PIK3C2B: variants seen among roughly 807,000 people sequenced by gnomAD.
The protein encoded by PIK3C2B is phosphatidylinositol 4-phosphate 3-kinase C2 domain-containing subunit beta.
A neutral mutation model predicts 184.3 loss-of-function variants in PIK3C2B; 83 were observed. That is an observed-to-expected ratio of 0.45 (90% confidence interval 0.38 to 0.54). The LOEUF (loss-of-function observed/expected upper bound fraction) is 0.54. Among genes scored for constraint, PIK3C2B ranks in the 20% least tolerant of loss-of-function variants. The pLI, the probability that PIK3C2B is intolerant of heterozygous loss-of-function variation, is 0.00. For missense variants in PIK3C2B, 1,736 were observed against 2,113.5 expected, an observed-to-expected ratio of 0.82 and a Z score of 3.50; for synonymous variants, 779 against 837.6, an observed-to-expected ratio of 0.93 and a Z score of 1.21.
intron 31 of PIK3C2B, 151 bp from the exon 32 acceptor site, chr1:204,425,892 C>T (rs1341597913): frequency 1.5e-6 from 1 of 683,526 alleles, no homozygotes; most frequent in African/African-American, 1.8e-5. Context: ...TCCAAGCTCA[C>T]TCTATTCTGA....
chr1:204,456,813 A>G lies in PIK3C2B; in HGVS notation c.1747+224T>C, dbSNP rs546883245. Reference sequence around the variant, plus strand: ...CCAGGAGGAATGACTAGGAAAAATAATAAGAAAACACTTTGTGGAAAGAAA... The same window carrying G: ...CCAGGAGGAATGACTAGGAAAAATAGTAAGAAAACACTTTGTGGAAAGAAA... On this transcript the variant is annotated intron_variant, in intron 10 of 32. Transcript: ENST00000684373. Among the ~76,000 whole-genome samples the G allele has an allele frequency of 3.8e-4, 58 of 151,806 alleles. 2 individuals carry two copies. The South Asian group carries it at 8.8e-3, about 23-fold the overall frequency.
chr1:204,450,721 A>G (rs1056664547), intron 12 of PIK3C2B, among the ~76,000 whole-genome samples: 3 of 152,310 alleles, frequency 2.0e-5, no homozygotes, highest in Non-Finnish European at 4.4e-5. Flanking sequence ...ATTCAAGCCC[A>G]TAAGTTCTCT....
chr1:204,429,247 T>C (rs1207811630), intron 29 of PIK3C2B, among the ~76,000 whole-genome samples: 1 of 151,338 alleles, frequency 6.6e-6, no homozygotes, highest in Admixed American at 6.6e-5. Context: ...ACAAACTGTG[T>C]GAAAATACTC....
At chr1:204,441,187 C>T (rs1675639681) in intron 21 of PIK3C2B, among the ~76,000 whole-genome samples, 1 of 152,200 alleles carries the variant, frequency 6.6e-6, no homozygotes, top group African/African-American at 2.4e-5. Context: ...AAGGGACAAG[C>T]GGATCACCAC....
At chr1:204,491,580 C>T (rs1658018728) in intron 1 of PIK3C2B, among the ~76,000 whole-genome samples, 1 of 152,080 alleles carries the variant, frequency 6.6e-6, no homozygotes. Flanking sequence ...ATAGTCCAAG[C>T]TACTCAGGGT....
chr1:204,424,983 C>A lies in PIK3C2B; in HGVS notation c.4774G>T (p.Val1592Leu), dbSNP rs148228903. 1 of 1,614,002 alleles carries A rather than the reference C, an allele frequency of 6.2e-7. No homozygotes were observed. The highest frequency in any genetic ancestry group is 8.5e-7 in the Non-Finnish European group (1 of 1,179,988). ...DLQQRELQLS[V>L]LSEQGFWENV... The stretch of plus-strand genomic sequence containing the variant: ...TCCCAGAATCCCTGCTCACTCAGCA[C>A]GCTCAGCTGGAGCTCCCGCTGCTGC... Residue 1592 changes from valine (V) to leucine (L), a missense_variant, in exon 33 of 33, where the codon GTG (valine) becomes TTG (leucine). By Grantham distance (32) the Val-to-Leu change is conservative. This residue lies in a region of PIK3C2B where 95 missense variants were observed against 164.2 expected (regional missense o/e 0.58). Transcript: ENST00000684373.
At chr1:204,477,366 G>C (rs1656789024) in intron 1 of PIK3C2B, among the ~76,000 whole-genome samples, 2 of 152,120 alleles carry the variant, frequency 1.3e-5, no homozygotes, top group African/African-American at 4.8e-5. Flanking sequence ...AAGAAGACCT[G>C]GGTAGAGGCA....
At chr1:204,458,885 C>G (rs899122230) in intron 8 of PIK3C2B, among the ~76,000 whole-genome samples, 1 of 152,140 alleles carries the variant, frequency 6.6e-6, no homozygotes, top group African/African-American at 2.4e-5. Flanking sequence ...GAGCTTCCCC[C>G]GCATCACTGG....
rs777597637 is a variant in PIK3C2B at position 204,433,368 on chromosome 1, C to T, written c.3901G>A (p.Asp1301Asn). 10 of 1,612,404 alleles carry T rather than the reference C, an allele frequency of 6.2e-6. No individual in the cohort carries two copies. Among genetic ancestry groups the T allele is most frequent in the Admixed American group, 1.7e-5 (1 of 60,012 alleles). Residue 1301 changes from aspartate (D) to asparagine (N), a missense_variant, in exon 26 of 33, where the codon GAT (aspartate) becomes AAT (asparagine). Asp to Asn is a conservative substitution (Grantham distance 23, BLOSUM62 1). This residue lies in a region of PIK3C2B where 119 missense variants were observed against 179.3 expected (regional missense o/e 0.66). Coordinates refer to ENST00000684373, the MANE Select transcript of PIK3C2B (RefSeq NM_001377334.1). This position sits in a 1 kb window ranked among gnomAD's most constrained non-coding sequence, Gnocchi z 5.0. ...SDLEDLKYVY[D>N]ALRPQDTEAN... ...TCTGTATCCTGAGGCCTCAGGGCAT[C>T]GTACACATACTTGAGGTCCTCCAGG...
chr1:204,449,694 A>C (rs1473607985), intron 13 of PIK3C2B, among the ~76,000 whole-genome samples, 156 bp downstream of exon 13: 2 of 152,194 alleles, frequency 1.3e-5, no homozygotes, highest in Non-Finnish European at 2.9e-5. Context: ...AGTCCTGGTC[A>C]CCAGTTCTGT....
chr1:204,491,356 T>TC (rs1352403836), intron 1 of PIK3C2B, among the ~76,000 whole-genome samples: 5 of 148,336 alleles, frequency 3.4e-5, no homozygotes, highest in Middle Eastern at 3.7e-3. Flanking sequence ...ACCACTGCAC[T>TC]CCAGTCTGGG....
chr1:204,460,817 G>A (rs1429940435), intron 5 of PIK3C2B, among the ~76,000 whole-genome samples, 156 bp from the exon 6 acceptor site: 6 of 152,134 alleles, frequency 3.9e-5, no homozygotes, highest in African/African-American at 1.2e-4. Context: ...AAAATGACAC[G>A]GTAGAGCTTA....
At chr1:204,453,817 A>T (rs898610142) in intron 12 of PIK3C2B, among the ~76,000 whole-genome samples, 4 of 151,188 alleles carry the variant, frequency 2.6e-5, no homozygotes, top group Non-Finnish European at 5.9e-5. Context: ...CTTGTTGCCC[A>T]GGCTGGAGTG....
chr1:204,434,735 T>C, intron 23 of PIK3C2B, 127 bp from the exon 24 acceptor site: 1 of 644,606 alleles, frequency 1.6e-6, no homozygotes, highest in Non-Finnish European at 2.7e-6. Context: ...CAATAGTGTC[T>C]CACATCTGCC....
chr1:204,434,320 C>T, intron 24 of PIK3C2B, 119 bp downstream of exon 24: 2 of 875,880 alleles, frequency 2.3e-6, no homozygotes, highest in Non-Finnish European at 3.7e-6. Flanking sequence ...TGCTGCTCAG[C>T]CCTGGGACCA....
intron 22 of PIK3C2B, 22 bp downstream of exon 22, chr1:204,440,170 C>T (rs766610214): frequency 6.2e-7 from 1 of 1,604,642 alleles, no homozygotes; most frequent in African/African-American, 1.4e-5. Context: ...CTCCTCCACC[C>T]TCACCCCTAC....
At chr1:204,479,987 G>A (rs561301450) in intron 1 of PIK3C2B, among the ~76,000 whole-genome samples, 1 of 152,304 alleles carries the variant, frequency 6.6e-6, no homozygotes, top group African/African-American at 2.4e-5. Flanking sequence ...CACGGCAGAG[G>A]AGCTGCCTCC....
Position 204,435,504 on chromosome 1 carries a change from T to C in PIK3C2B, c.3517-896A>G, listed in dbSNP as rs973921343. ...TAGGAATGAGGGAAAGCTTACTAGATATGGAATGCCCGCCCTCCTTGCCTC... is the reference window on the plus strand; with the variant it reads ...TAGGAATGAGGGAAAGCTTACTAGACATGGAATGCCCGCCCTCCTTGCCTC... On this transcript the variant is annotated intron_variant, in intron 23 of 32. Transcript: ENST00000684373. 7.2e-5 allele frequency: 11 copies of C among 152,216 alleles called. No homozygotes were observed. The East Asian group carries it at 2.1e-3, about 29-fold the overall frequency. The allele number at this position is 152,216 out of a possible 1,614,324, so 9.4% of individuals were successfully genotyped here. A position where few individuals can be genotyped will look rare whatever the true frequency, so the allele number is the denominator to read the frequency against.
chr1:204,449,029 A>T, intron 14 of PIK3C2B, 156 bp downstream of exon 14: 1 of 635,006 alleles, frequency 1.6e-6, no homozygotes, highest in Non-Finnish European at 2.8e-6. Flanking sequence ...ATCCACATCT[A>T]ACCATATTCC....
Sources: allele counts gnomAD v4.1 joint callset (sites outside exome capture counted in the v4.1 genomes callset), GRCh38; gene constraint gnomAD v4.1.1; regional missense constraint gnomAD v4.1.1; non-coding constraint Gnocchi (gnomAD v3.1); transcripts MANE v1.5; gene names NCBI Gene and HGNC (gene_info 2026-07-23, HGNC 2026-07-21).